Variants in HKDC1 observed in about 807,000 individuals in gnomAD.
HKDC1 encodes the protein hexokinase HKDC1.
A neutral mutation model predicts 96.6 loss-of-function variants in HKDC1; 66 were observed. The ratio of observed to expected loss-of-function variants is 0.68; its 90% confidence interval spans 0.56 to 0.84. The LOEUF is 0.84. Among genes scored for constraint, HKDC1 ranks in the 40% least tolerant of loss-of-function variants. The pLI, the probability that HKDC1 is intolerant of heterozygous loss-of-function variation, is 0.00. For missense variants in HKDC1, 1,211 were observed against 1,208.1 expected (o/e 1.00, Z -0.04); for synonymous variants, 466 against 473.1 (o/e 0.98, Z 0.20).
intron 16 of HKDC1, among the ~76,000 whole-genome samples, chr10:69,264,893 G>T (rs1324718112): frequency 6.6e-6 from 1 of 152,212 alleles, no homozygotes; most frequent in African/African-American, 2.4e-5. Context: ...GATGACCAGG[G>T]TCTAGACTTG....
chr10:69,248,521 A>C lies in HKDC1; in HGVS notation c.1363A>C (p.Met455Leu). 6.2e-7 allele frequency: 1 copy of C among 1,613,576 alleles called. No individual in the cohort carries two copies. Among genetic ancestry groups the C allele is most frequent in the Non-Finnish European group, 8.5e-7 (1 of 1,179,620 alleles). The change falls in exon 10 of 18, where the codon ATG (methionine) becomes CTG (leucine). Residue 455 changes from methionine (M) to leucine (L), a missense_variant. Met to Leu is a conservative substitution (Grantham distance 15, BLOSUM62 2). Transcript: ENST00000354624. ...SESGSTKGAA[M>L]VTAVASRVQA... ...GAGTGGCAGCACCAAGGGGGCCGCC[A>C]TGGTGACCGCGGTGGCCTCCCGCGT... is the stretch of plus-strand genomic sequence containing the variant.
rs1260651206 is a variant in HKDC1 at position 69,247,446 on chromosome 10, A to G, written c.1118A>G (p.His373Arg). 1.9e-6 allele frequency: 3 copies of G among 1,614,148 alleles called. No individual in the cohort carries two copies. The highest frequency in any genetic ancestry group is 2.5e-6 in the Non-Finnish European group (3 of 1,180,016). Reference sequence around the variant, plus strand: ...GAGGCTGACTGCATTGCCGTCCAGCATGTCTGTACCATCGTCTCCTTCCGC... The same window carrying G: ...GAGGCTGACTGCATTGCCGTCCAGCGTGTCTGTACCATCGTCTCCTTCCGC... Reference protein sequence around the residue: ...PSEADCIAVQHVCTIVSFRSA... With the variant: ...PSEADCIAVQRVCTIVSFRSA... The change falls in exon 9 of 18, where the codon CAT becomes CGT. Residue 373 changes from histidine (H) to arginine (R), a missense_variant. His to Arg is a conservative substitution (Grantham distance 29). Transcript: ENST00000354624.
In HKDC1 at chr10:69,244,729, G is replaced by A. The variant is rs146300087; in HGVS notation, c.876-1350G>A. 9.6e-3 allele frequency among the ~76,000 whole-genome samples: 1,462 copies of A among 152,176 alleles called. 17 individuals carry two copies. Among genetic ancestry groups the A allele is most frequent in the African/African-American group, 0.034 (1,407 of 41,510 alleles). On this transcript the variant is annotated intron_variant, in intron 7 of 17. Transcript: ENST00000354624. Reference sequence around the variant, plus strand: ...TAGTTCCAACCACTCAGGAGACTGAGGTGGGAGGATCACTTGAGCCAGGGA... The same window carrying A: ...TAGTTCCAACCACTCAGGAGACTGAAGTGGGAGGATCACTTGAGCCAGGGA...
At chr10:69,253,583 T>C (rs74138345) in intron 12 of HKDC1, among the ~76,000 whole-genome samples, 3,695 of 152,210 alleles carry the variant, frequency 0.024, 159 homozygotes, top group African/African-American at 0.085. Flanking sequence ...TTGGTGAAAA[T>C]GGAGGAACAT....
intron 16 of HKDC1, 55 bp downstream of exon 16, chr10:69,261,349 G>T: frequency 1.3e-6 from 2 of 1,565,856 alleles, no homozygotes. Context: ...CTGCCACCAC[G>T]CTGGGGTTGG....
At chr10:69,262,234 C>T (rs112552071) in intron 16 of HKDC1, 38 of 191,574 alleles carry the variant, frequency 2.0e-4, no homozygotes, top group Non-Finnish European at 3.8e-4. Context: ...TGTTACTGTA[C>T]TATAATTTAC....
intron 4 of HKDC1, among the ~76,000 whole-genome samples, chr10:69,237,575 G>A (rs776105199): frequency 6.6e-6 from 1 of 152,120 alleles, no homozygotes; most frequent in Non-Finnish European, 1.5e-5. Context: ...ATGTACAGTT[G>A]TATGTAATTG....
chr10:69,233,628 G>A (rs1843310857), intron 4 of HKDC1, among the ~76,000 whole-genome samples: 1 of 149,148 alleles, frequency 6.7e-6, no homozygotes, highest in African/African-American at 2.5e-5. Flanking sequence ...ACCAGGCGCG[G>A]TGGCTCACGC....
rs1214891454 is a variant in HKDC1 at position 69,227,319 on chromosome 10, C to T, written c.176C>T (p.Ala59Val). The T allele has an allele frequency of 6.2e-7, 1 of 1,614,230 alleles. No homozygotes were observed. Among genetic ancestry groups the T allele is most frequent in the South Asian group, 1.1e-5 (1 of 91,084 alleles). Residue 59 changes from alanine (A) to valine (V), a missense_variant, in exon 2 of 18, where the codon GCT becomes GTT. Ala to Val is a moderately conservative substitution (Grantham distance 64, BLOSUM62 0). Transcript: ENST00000354624. ...CTGGCAAAGGACACCAACCCCACGGCTGCAGTGAAGATGTTGCCCACCTTC... is the reference window on the plus strand; with the variant it reads ...CTGGCAAAGGACACCAACCCCACGGTTGCAGTGAAGATGTTGCCCACCTTC... ...KGLAKDTNPT[A>V]AVKMLPTFVR...
Position 69,247,514 on chromosome 10 carries a change from C to T in HKDC1, c.1186C>T (p.Arg396Cys), listed in dbSNP as rs139689016. 66 of 1,614,018 alleles carry T rather than the reference C, an allele frequency of 4.1e-5. No homozygotes were observed. Among genetic ancestry groups the T allele is most frequent in the Admixed American group, 1.5e-4 (9 of 59,998 alleles). ...AGCAGCTCTGGCGGCCATCCTGACA[C>T]GCCTCCGGGAGAACAAGAAGGTGGA... ...CAAALAAILTRLRENKKVERL... is the reference protein window; with the variant it reads ...CAAALAAILTCLRENKKVERL... Residue 396 changes from arginine to cysteine, a missense_variant, in exon 9 of 18, where the codon CGC (arginine) becomes TGC (cysteine). Coordinates refer to ENST00000354624, the MANE Select transcript of HKDC1 (RefSeq NM_025130.4).
chr10:69,251,389 C>T (rs1843641931), intron 12 of HKDC1, among the ~76,000 whole-genome samples: 1 of 152,056 alleles, frequency 6.6e-6, no homozygotes, highest in Admixed American at 6.5e-5. Flanking sequence ...AGCCACCACA[C>T]CCGGCCTACT....
At chr10:69,255,196 A>G (rs1333229628) in intron 12 of HKDC1, among the ~76,000 whole-genome samples, 1 of 152,268 alleles carries the variant, frequency 6.6e-6, no homozygotes, top group African/African-American at 2.4e-5. Context: ...ACCCGTGGGC[A>G]GCTAAAAGTA....
intron 4 of HKDC1, among the ~76,000 whole-genome samples, chr10:69,236,866 A>G (rs1025533344): frequency 6.6e-6 from 1 of 152,182 alleles, no homozygotes; most frequent in African/African-American, 2.4e-5. Context: ...ATTTTATAAA[A>G]TTTCCTCGCA....
Position 69,250,531 on chromosome 10 carries a change from AG to A in HKDC1, c.1717-1del. On this transcript the variant is annotated splice_acceptor_variant, in intron 11 of 17. Transcript: ENST00000354624. LOFTEE classifies it high-confidence loss of function. The stretch of plus-strand genomic sequence containing the variant: ...TGAATGCCGCTCTCTCTCTCTCTGC[AG>A]CTCTTTGATCACATTGTGCAGTGCA... 6.2e-7 allele frequency: 1 copy of A among 1,614,020 alleles called. No homozygotes were observed. Among genetic ancestry groups the A allele is most frequent in the Non-Finnish European group, 8.5e-7 (1 of 1,179,988 alleles).
chr10:69,255,053 G>A (rs866698841), intron 12 of HKDC1, among the ~76,000 whole-genome samples: 21 of 152,338 alleles, frequency 1.4e-4, no homozygotes, highest in South Asian at 4.1e-4. Context: ...GGAGGGTGCC[G>A]TGTGCAGCTG....
rs1347749417 is a variant in HKDC1, at chr10:69,266,727, G to T, written c.2724G>T (p.Lys908Asn). The T allele has an allele frequency of 6.2e-7, 1 of 1,613,988 alleles. No individual in the cohort carries two copies. Among genetic ancestry groups the T allele is most frequent in the East Asian group, 2.2e-5 (1 of 44,880 alleles). Reference protein sequence around the residue: ...KGAALITAVAKRLQQAQKEN With the variant: ...KGAALITAVANRLQQAQKEN ...CAGCACTGATCACTGCTGTGGCCAAGAGGTTACAGCAGGCACAGAAGGAGA... is the reference window on the plus strand; with the variant it reads ...CAGCACTGATCACTGCTGTGGCCAATAGGTTACAGCAGGCACAGAAGGAGA... The change falls in exon 18 of 18, where the codon AAG becomes AAT. Residue 908 changes from lysine (K) to asparagine (N), a missense_variant. Coordinates refer to ENST00000354624, the MANE Select transcript of HKDC1 (RefSeq NM_025130.4).
intron 10 of HKDC1, among the ~76,000 whole-genome samples, chr10:69,250,057 G>C (rs769306919): frequency 1.3e-5 from 2 of 152,238 alleles, no homozygotes; most frequent in Non-Finnish European, 2.9e-5. Flanking sequence ...TGTAGGTGGT[G>C]CCTGGGACTT....
intron 1 of HKDC1, among the ~76,000 whole-genome samples, chr10:69,225,517 T>C (rs780794432): frequency 1.2e-4 from 19 of 152,302 alleles, no homozygotes; most frequent in Middle Eastern, 3.4e-3. Context: ...GGCTGTCTGA[T>C]GATTTTCTGG....
At chr10:69,228,316 T>C (rs1395427992) in intron 2 of HKDC1, among the ~76,000 whole-genome samples, 6 of 152,200 alleles carry the variant, frequency 3.9e-5, no homozygotes, top group Admixed American at 2.0e-4. Context: ...ACGTTAGTCA[T>C]GCTTAGATAA....
Sources: gnomAD v4.1 joint callset for allele counts (sites outside exome capture counted in the v4.1 genomes callset) on GRCh38, gnomAD v4.1.1 for gene constraint, MANE v1.5 for transcripts, NCBI Gene and HGNC (gene_info 2026-07-23, HGNC 2026-07-21) for gene names.